Variants in COL4A6 observed in about 807,000 individuals in gnomAD.
COL4A6 encodes collagen alpha-6(IV) chain.
COL4A6 carries 59 observed loss-of-function variants against 126.7 expected under a neutral mutation model. The ratio of observed to expected loss-of-function variants is 0.47; its 90% CI spans 0.38 to 0.58. COL4A6 has a LOEUF of 0.58. Among genes scored for constraint, COL4A6 ranks in the 20% least tolerant of loss-of-function variants. COL4A6 has a pLI of 0.00. For synonymous variants in COL4A6, 547 were observed against 496.6 expected (o/e 1.10, Z -1.35); for missense variants, 1,285 against 1,337.3 (o/e 0.96, Z 0.61).
At chrX:108,275,261 C>G (rs2037570398) in intron 3 of COL4A6, among the ~76,000 whole-genome samples, 1 of 111,722 alleles carries the variant, frequency 9.0e-6, no homozygotes, top group African/African-American at 3.3e-5. Flanking sequence ...CAAAACTAAG[C>G]ATAGTTCATT....
Position 108,211,705 on chromosome X carries a change from A to G in COL4A6, c.477T>C (p.Pro159=). 2 of 1,211,622 alleles carry G rather than the reference A, an allele frequency of 1.7e-6. No homozygotes were observed. The highest frequency in any genetic ancestry group is 2.2e-6 in the Non-Finnish European group (2 of 895,063). ...CTTTGAAACTACCTGGAGCAAGGAC[A>G]GGGTCACCTTTTGATCCTTTCTGAC... is the stretch of plus-strand genomic sequence containing the variant. ...LPGQKGSKGD[P]VLAPGSFKGM... Residue 159 remains proline (P), a synonymous_variant, in exon 7 of 45, where the codon CCT becomes CCC. Coordinates refer to ENST00000334504, the MANE Select transcript of COL4A6 (RefSeq NM_033641.4).
intron 31 of COL4A6, among the ~76,000 whole-genome samples, chrX:108,173,184 C>A (rs2148091556): frequency 9.0e-6 from 1 of 111,589 alleles, no homozygotes; most frequent in South Asian, 3.8e-4. Context: ...TGAGATTTAC[C>A]CAGTATCCAG....
chrX:108,337,519 C>T (rs534240033), intron 2 of COL4A6, among the ~76,000 whole-genome samples: 2 of 112,907 alleles, frequency 1.8e-5, no homozygotes, highest in Admixed American at 9.3e-5. Context: ...GCTCGTGAAG[C>T]GAGGAGCAGA....
intron 2 of COL4A6, among the ~76,000 whole-genome samples, chrX:108,328,394 AG>A (rs2039215413): frequency 9.2e-6 from 1 of 108,377 alleles, no homozygotes; most frequent in South Asian, 4.3e-4. Flanking sequence ...GGAGAGGGAA[AG>A]GGGGAGAGAA....
chrX:108,194,630 G>A, intron 15 of COL4A6, 43 bp from the exon 16 acceptor site: 1 of 1,140,245 alleles, frequency 8.8e-7, no homozygotes, highest in South Asian at 1.9e-5. Flanking sequence ...AAGTATGAGA[G>A]CATAAGAGAG....
At chrX:108,279,657 C>T (rs1018117100) in intron 3 of COL4A6, among the ~76,000 whole-genome samples, 5 of 111,760 alleles carry the variant, frequency 4.5e-5, no homozygotes, top group Non-Finnish European at 9.4e-5. Context: ...TAGACATCTA[C>T]AGAATTCTCC....
chrX:108,354,905 A>C (rs1267435727), intron 2 of COL4A6, among the ~76,000 whole-genome samples: 1 of 110,550 alleles, frequency 9.0e-6, no homozygotes, highest in African/African-American at 3.3e-5. Context: ...TTGCTATTCA[A>C]ACCCTCAAAT....
chrX:108,172,153 C>G (rs193096397), intron 32 of COL4A6, among the ~76,000 whole-genome samples: 5 of 110,423 alleles, frequency 4.5e-5, no homozygotes, highest in African/African-American at 1.6e-4. Flanking sequence ...AAGTTTGAGA[C>G]CAGCCAGACC....
In COL4A6 at chrX:108,156,741, A is replaced by AAT; in HGVS notation, c.*257_*258dup. On this transcript the variant is annotated 3_prime_UTR_variant, in exon 45 of 45. Transcript: ENST00000334504. The stretch of plus-strand genomic sequence containing the variant: ...ATCAAATCTTTCTGAGGTAGCCATG[A>AAT]ATAGTCACACAATCATCCAAATCAA... The AAT allele has an allele frequency of 2.5e-6, 1 of 401,639 alleles. No individual in the cohort carries two copies. Among genetic ancestry groups the AAT allele is most frequent in the Non-Finnish European group, 4.3e-6 (1 of 231,572 alleles). 33.1% of individuals were successfully genotyped at this position (401,639 alleles called of 1,213,427 possible).
At chrX:108,276,944 C>T (rs896858427) in intron 3 of COL4A6, among the ~76,000 whole-genome samples, 14 of 112,379 alleles carry the variant, frequency 1.2e-4, no homozygotes, top group African/African-American at 4.5e-4. Flanking sequence ...TGGAAATTTT[C>T]GAAAGCAATG....
intron 11 of COL4A6, among the ~76,000 whole-genome samples, chrX:108,205,006 G>C (rs1343312539): frequency 9.2e-6 from 1 of 108,933 alleles, no homozygotes; most frequent in Non-Finnish European, 1.9e-5. Context: ...GAGATACAGA[G>C]AGAGAGGAGG....
At chrX:108,290,954 G>A (rs903882988) in intron 3 of COL4A6, among the ~76,000 whole-genome samples, 2 of 112,362 alleles carry the variant, frequency 1.8e-5, no homozygotes, top group Admixed American at 9.4e-5. Context: ...AATCAGATAC[G>A]TCTTGAGTCT....
At chrX:108,289,735 C>T (rs756426251) in intron 3 of COL4A6, among the ~76,000 whole-genome samples, 1 of 111,196 alleles carries the variant, frequency 9.0e-6, no homozygotes, top group East Asian at 2.8e-4. Context: ...CTTCTCTCTC[C>T]CTTTTGCATA....
chrX:108,288,806 T>C (rs1056166948), intron 3 of COL4A6, among the ~76,000 whole-genome samples: 1 of 111,230 alleles, frequency 9.0e-6, no homozygotes, highest in Non-Finnish European at 1.9e-5. Flanking sequence ...TGGAGAAATA[T>C]ATTGGGCGCC....
chrX:108,261,880 C>A (rs1000465566), intron 3 of COL4A6, among the ~76,000 whole-genome samples: 2 of 112,107 alleles, frequency 1.8e-5, no homozygotes, highest in African/African-American at 6.5e-5. Flanking sequence ...GATTAATCCT[C>A]TGACACAATG....
intron 2 of COL4A6, among the ~76,000 whole-genome samples, chrX:108,405,450 G>T (rs1410419135): frequency 3.6e-5 from 4 of 111,130 alleles, no homozygotes; most frequent in African/African-American, 1.3e-4. Flanking sequence ...CTCCCAAAGT[G>T]CTGGTATTAC....
chrX:108,157,911 G>A (rs1328032602), intron 44 of COL4A6, among the ~76,000 whole-genome samples: 2 of 111,676 alleles, frequency 1.8e-5, no homozygotes, highest in African/African-American at 6.5e-5. Flanking sequence ...CACTTTAGCC[G>A]GGCTATCATC....
chrX:108,309,272 C>T (rs2038702148), intron 3 of COL4A6, among the ~76,000 whole-genome samples: 1 of 109,927 alleles, frequency 9.1e-6, no homozygotes, highest in Non-Finnish European at 1.9e-5. Flanking sequence ...TTGGTGGCTA[C>T]AGTGAACATG....
chrX:108,437,859 A>G (rs563385651), intron 2 of COL4A6, 83 bp downstream of exon 2: 2 of 1,077,320 alleles, frequency 1.9e-6, no homozygotes, highest in East Asian at 6.1e-5. Flanking sequence ...ACTCTCTGCA[A>G]CCCCCTAACA....
Sources: allele counts gnomAD v4.1 joint callset (sites outside exome capture counted in the v4.1 genomes callset), GRCh38; gene constraint gnomAD v4.1.1; transcripts MANE v1.5; gene names NCBI Gene and HGNC (gene_info 2026-07-23, HGNC 2026-07-21).